DCDC2C: variants seen among roughly 807,000 people sequenced by gnomAD.
DCDC2C encodes doublecortin domain-containing protein 2C.
A neutral mutation model predicts 45.0 loss-of-function variants in DCDC2C; 44 were observed. That is an observed-to-expected ratio of 0.98 (90% CI 0.77 to 1.26). The LOEUF (loss-of-function observed/expected upper bound fraction) is 1.26, where lower values mean the gene tolerates loss of function less well. DCDC2C is among the 50% of genes most tolerant of loss of function. DCDC2C has a pLI of 0.00. For synonymous variants in DCDC2C, 187 were observed against 178.8 expected (o/e 1.05, Z -0.37); for missense variants, 447 against 468.9 (o/e 0.95, Z 0.43).
rs1169584515 is a variant in DCDC2C, at chr2:3,704,192, G to C, written c.287+154G>C. On this transcript the variant is annotated intron_variant, in intron 1 of 10. Transcript: ENST00000399143. The stretch of plus-strand genomic sequence containing the variant: ...GCGTGGATCCAGCGCAGCCGGCGTC[G>C]GGCCGCCCCAGGCCACGTGGTTTCC... 1.3e-5 allele frequency: 9 copies of C among 706,590 alleles called. No homozygotes were observed. The South Asian group carries it at 3.8e-4, about 30-fold the overall frequency. The allele number at this position is 706,590 out of a possible 1,614,324, so 43.8% of individuals were successfully genotyped here. A position where few individuals can be genotyped will look rare whatever the true frequency, so the allele number is the denominator to read the frequency against.
chr2:3,792,888 C>T (rs61387960), intron 10 of DCDC2C, among the ~76,000 whole-genome samples: 2 of 152,154 alleles, frequency 1.3e-5, no homozygotes, highest in Admixed American at 6.5e-5. Flanking sequence ...TGTTCAGGGG[C>T]CTTTTTTCTT....
At chr2:3,728,545 CATG>C (rs1348947997) in intron 3 of DCDC2C, among the ~76,000 whole-genome samples, 2 of 152,114 alleles carry the variant, frequency 1.3e-5, no homozygotes, top group Admixed American at 6.5e-5. Context: ...ACTGGACAGA[CATG>C]ATTATTTTTT....
At chr2:3,739,829 C>T (rs577138438) in intron 3 of DCDC2C, among the ~76,000 whole-genome samples, 1 of 152,338 alleles carries the variant, frequency 6.6e-6, no homozygotes, top group African/African-American at 2.4e-5. Context: ...CCTATACAGA[C>T]GGCTAAACTC....
At chr2:3,735,994 T>C (rs1047745751) in intron 3 of DCDC2C, among the ~76,000 whole-genome samples, 9 of 152,154 alleles carry the variant, frequency 5.9e-5, no homozygotes, top group African/African-American at 2.2e-4. Flanking sequence ...GAAGGATCTA[T>C]TTCTATCTTA....
chr2:3,755,296 T>C (rs1669662934), intron 6 of DCDC2C, among the ~76,000 whole-genome samples: 1 of 152,184 alleles, frequency 6.6e-6, no homozygotes, highest in Admixed American at 6.5e-5. Context: ...TGGATGCATG[T>C]GTGTGCATAT....
At chr2:3,832,045 C>G (rs1429023619) in intron 10 of DCDC2C, among the ~76,000 whole-genome samples, 1 of 152,204 alleles carries the variant, frequency 6.6e-6, no homozygotes, top group Non-Finnish European at 1.5e-5. Flanking sequence ...GTATCTTCAT[C>G]TGGGTCCTAA....
intron 4 of DCDC2C, among the ~76,000 whole-genome samples, chr2:3,751,483 A>G (rs1669540667): frequency 6.6e-6 from 1 of 152,188 alleles, no homozygotes; most frequent in African/African-American, 2.4e-5. Context: ...GGTCTCAGGC[A>G]GCAGCTCTCG....
At chr2:3,841,531 G>T (rs1288238252) in intron 10 of DCDC2C, among the ~76,000 whole-genome samples, 1 of 147,626 alleles carries the variant, frequency 6.8e-6, no homozygotes, top group African/African-American at 2.5e-5. Flanking sequence ...GCAGACTGCT[G>T]GTTCATTCAT....
At chr2:3,746,399 C>T (rs1042616072) in intron 4 of DCDC2C, among the ~76,000 whole-genome samples, 3 of 152,122 alleles carry the variant, frequency 2.0e-5, no homozygotes, top group African/African-American at 7.2e-5. Flanking sequence ...ACGAGCACGA[C>T]CCACTCTAAG....
At chr2:3,733,285 A>AG (rs1335287041) in intron 3 of DCDC2C, among the ~76,000 whole-genome samples, 4 of 152,170 alleles carry the variant, frequency 2.6e-5, no homozygotes, top group Admixed American at 6.5e-5. Context: ...AGATGAAGTG[A>AG]GGGACAGCTG....
intron 8 of DCDC2C, among the ~76,000 whole-genome samples, chr2:3,772,426 AG>A (rs1670199549): frequency 6.6e-6 from 1 of 152,208 alleles, no homozygotes; most frequent in African/African-American, 2.4e-5. Context: ...TTGACTCCGC[AG>A]CCCCCTTTCC....
chr2:3,704,984 G>A (rs1252311765), intron 1 of DCDC2C, among the ~76,000 whole-genome samples: 1 of 151,970 alleles, frequency 6.6e-6, no homozygotes, highest in East Asian at 1.9e-4. Flanking sequence ...CTTATTTTTT[G>A]ACTGTGAACT....
chr2:3,708,514 CTTCT>C lies in DCDC2C; in HGVS notation c.288-34_288-31del, dbSNP rs542677784. 3.4e-6 allele frequency: 5 copies of C among 1,482,048 alleles called. No homozygotes were observed. The African/African-American group carries it at 7.1e-5, about 21-fold the overall frequency. 91.8% of individuals were successfully genotyped at this position (1,482,048 alleles called of 1,614,324 possible). On this transcript the variant is annotated intron_variant, in intron 1 of 10. Transcript: ENST00000399143. Reference sequence around the variant, plus strand: ...TGGAACTTTCTATGTAAATATCTTCCTTCTAATGATGTTTTCTTCTTTCTTCTTT... The same window carrying C: ...TGGAACTTTCTATGTAAATATCTTCCAATGATGTTTTCTTCTTTCTTCTTT...
chr2:3,706,213 AAT>A (rs1472006413), intron 1 of DCDC2C, among the ~76,000 whole-genome samples: 1 of 152,218 alleles, frequency 6.6e-6, no homozygotes, highest in Non-Finnish European at 1.5e-5. Flanking sequence ...GTCACCAGCA[AAT>A]GAACTTTGAA....
chr2:3,714,097 A>G (rs145595110), intron 2 of DCDC2C, among the ~76,000 whole-genome samples: 79 of 152,360 alleles, frequency 5.2e-4, no homozygotes, highest in African/African-American at 1.8e-3. Flanking sequence ...TCTTTCACAG[A>G]ATTTCTGTTT....
chr2:3,786,712 G>A (rs1195012298), intron 10 of DCDC2C, among the ~76,000 whole-genome samples: 10 of 152,018 alleles, frequency 6.6e-5, no homozygotes, highest in African/African-American at 2.2e-4. Context: ...TGTCCCGCCT[G>A]TGCACGGAGC....
At chr2:3,760,383 T>C (rs1194959619) in intron 6 of DCDC2C, among the ~76,000 whole-genome samples, 2 of 152,222 alleles carry the variant, frequency 1.3e-5, no homozygotes, top group Non-Finnish European at 2.9e-5. Flanking sequence ...TGCACCCATA[T>C]GTTTATTGCA....
At chr2:3,749,178 C>A (rs954286305) in intron 4 of DCDC2C, among the ~76,000 whole-genome samples, 2 of 152,160 alleles carry the variant, frequency 1.3e-5, no homozygotes, top group African/African-American at 4.8e-5. Context: ...CATTAAAAAT[C>A]ATTTAATAAT....
intron 4 of DCDC2C, among the ~76,000 whole-genome samples, chr2:3,742,733 A>G (rs1319744102): frequency 6.6e-6 from 1 of 152,234 alleles, no homozygotes; most frequent in Non-Finnish European, 1.5e-5. Flanking sequence ...TGATTGCGAC[A>G]GTGGATGAGG....
Sources: allele counts gnomAD v4.1 joint callset (sites outside exome capture counted in the v4.1 genomes callset), GRCh38; gene constraint gnomAD v4.1.1; transcripts MANE v1.5; gene names NCBI Gene and HGNC (gene_info 2026-07-23, HGNC 2026-07-21).